Variants in SPIDR observed in about 807,000 individuals in gnomAD.
The protein encoded by SPIDR is scaffold protein involved in DNA repair, also known as DNA repair-scaffolding protein.
SPIDR carries 93 observed loss-of-function variants against 104.6 expected under a neutral mutation model. That is an observed-to-expected ratio of 0.89 (90% CI 0.75 to 1.06). The LOEUF is 1.06. Among genes scored for constraint, SPIDR ranks in the 50% least tolerant of loss-of-function variants. The probability of loss-of-function intolerance (pLI) is 0.00; values close to 1 mark genes in which losing one functional copy is unlikely to be tolerated. For synonymous variants in SPIDR, 431 were observed against 416.9 expected, an observed-to-expected ratio of 1.03 and a Z score of -0.41; for missense variants, 1,154 against 1,111.2, an observed-to-expected ratio of 1.04 and a Z score of -0.55.
intron 8 of SPIDR, among the ~76,000 whole-genome samples, chr8:47,465,034 G>C (rs2074551046): frequency 6.6e-6 from 1 of 152,098 alleles, no homozygotes; most frequent in Admixed American, 6.5e-5. Flanking sequence ...AAAGTGCTAG[G>C]ATTATGGGCA....
At chr8:47,589,027 T>G (rs1297768925) in intron 8 of SPIDR, among the ~76,000 whole-genome samples, 6 of 148,704 alleles carry the variant, frequency 4.0e-5, no homozygotes, top group South Asian at 2.1e-4. Flanking sequence ...AGTTTGTTTT[T>G]TTTTTTTTTT....
intron 10 of SPIDR, among the ~76,000 whole-genome samples, chr8:47,663,006 G>T (rs2074361023): frequency 6.6e-6 from 1 of 152,198 alleles, no homozygotes; most frequent in Non-Finnish European, 1.5e-5. Flanking sequence ...CCAGTCTGTG[G>T]TATTTTTGTT....
At chr8:47,597,203 G>T (rs974096816) in intron 9 of SPIDR, among the ~76,000 whole-genome samples, 1 of 152,124 alleles carries the variant, frequency 6.6e-6, no homozygotes, top group African/African-American at 2.4e-5. Context: ...AGACTTTTAT[G>T]CAACTGGCAA....
intron 5 of SPIDR, among the ~76,000 whole-genome samples, chr8:47,346,311 A>G (rs1698260902): frequency 6.6e-6 from 1 of 152,058 alleles, no homozygotes; most frequent in African/African-American, 2.4e-5. Flanking sequence ...CATCCCAGGG[A>G]TGAAGCCGAC....
At chr8:47,379,394 T>C (rs1363127205) in intron 5 of SPIDR, among the ~76,000 whole-genome samples, 1 of 151,950 alleles carries the variant, frequency 6.6e-6, no homozygotes, top group Non-Finnish European at 1.5e-5. Flanking sequence ...AATACAAAAA[T>C]TAGCCAGGTG....
At chr8:47,665,838 G>A (rs1349228969) in intron 10 of SPIDR, among the ~76,000 whole-genome samples, 1 of 152,174 alleles carries the variant, frequency 6.6e-6, no homozygotes, top group Non-Finnish European at 1.5e-5. Context: ...ATACATTTCA[G>A]AGAAAATATT....
chr8:47,735,506 G>C lies in SPIDR; in HGVS notation c.*56G>C. The C allele has an allele frequency of 6.2e-7, 1 of 1,612,956 alleles. No homozygotes were observed. ...TGTGGCTGCAAGGGTGGTGGTGGTG[G>C]TGGTGATTTGGGGTAGTTATTTGTT... On this transcript the variant is annotated 3_prime_UTR_variant, in exon 20 of 20. Coordinates refer to ENST00000297423, the MANE Select transcript of SPIDR (RefSeq NM_001080394.4).
chr8:47,449,068 G>A (rs2071220078), intron 8 of SPIDR, among the ~76,000 whole-genome samples: 1 of 152,166 alleles, frequency 6.6e-6, no homozygotes, highest in African/African-American at 2.4e-5. Context: ...GCATCTCGGA[G>A]GCTGTGGGAG....
chr8:47,433,328 C>G (rs2067687416), intron 7 of SPIDR, among the ~76,000 whole-genome samples: 2 of 152,332 alleles, frequency 1.3e-5, no homozygotes, highest in Admixed American at 1.3e-4. Context: ...CTGTTCTCAA[C>G]ACGGCTCATC....
In SPIDR at chr8:47,648,857, C is replaced by T. The variant is rs147899495; in HGVS notation, c.1545-24944C>T. Among the ~76,000 whole-genome samples, 378 of 151,938 alleles carry T rather than the reference C, an allele frequency of 2.5e-3. 2 individuals carry two copies. Among genetic ancestry groups the T allele is most frequent in the East Asian group, 8.1e-3 (42 of 5,170 alleles). ...AGATTATAAACCATTCAGTAAGACT[C>T]GATGAAAACAAATGAAAAATAATTT... On this transcript the variant is annotated intron_variant, in intron 10 of 19. Transcript: ENST00000297423.
At chr8:47,280,786 C>T (rs1268203931) in intron 2 of SPIDR, among the ~76,000 whole-genome samples, 2 of 152,214 alleles carry the variant, frequency 1.3e-5, no homozygotes, top group Non-Finnish European at 2.9e-5. Flanking sequence ...GATCCTCCCA[C>T]CTCCGCCTCC....
chr8:47,357,945 G>C, intron 5 of SPIDR: 1 of 754,916 alleles, frequency 1.3e-6, no homozygotes, highest in African/African-American at 1.9e-5. Flanking sequence ...ATGTAGTCAC[G>C]AATATATGTG....
At chr8:47,408,624 AT>A (rs1407878324) in intron 7 of SPIDR, among the ~76,000 whole-genome samples, 1 of 152,192 alleles carries the variant, frequency 6.6e-6, no homozygotes, top group African/African-American at 2.4e-5. Context: ...GATAAAAGAT[AT>A]CCAAGTTGGA....
At chr8:47,443,377 C>A (rs1049307428) in intron 8 of SPIDR, among the ~76,000 whole-genome samples, 1 of 152,034 alleles carries the variant, frequency 6.6e-6, no homozygotes, top group African/African-American at 2.4e-5. Flanking sequence ...CGAGACCAGC[C>A]TGGCCAACAT....
At chr8:47,328,290 G>T (rs1554601764) in intron 5 of SPIDR, among the ~76,000 whole-genome samples, 1 of 151,478 alleles carries the variant, frequency 6.6e-6, no homozygotes, top group African/African-American at 2.4e-5. Context: ...ATAAAGTCTT[G>T]CTCTGTCACT....
intron 10 of SPIDR, among the ~76,000 whole-genome samples, chr8:47,632,774 A>C (rs2067270587): frequency 6.6e-6 from 1 of 152,182 alleles, no homozygotes; most frequent in Admixed American, 6.5e-5. Context: ...GAACTAATGA[A>C]TAAAGCACAC....
chr8:47,428,398 A>T (rs1310301598), intron 7 of SPIDR, among the ~76,000 whole-genome samples: 5 of 152,242 alleles, frequency 3.3e-5, no homozygotes, highest in African/African-American at 1.2e-4. Context: ...TACCAAAGCA[A>T]GTCAGTTGGT....
At position 47,445,004 on chromosome 8, in the gene SPIDR, G is replaced by A. The variant is rs117712065; in HGVS notation, c.1097+4462G>A. ...ACTGTTTTAGTATAGTAAAGGGTATGTGTTTCGTTTTTGCTGTTGCTGCTT... is the reference window on the plus strand; with the variant it reads ...ACTGTTTTAGTATAGTAAAGGGTATATGTTTCGTTTTTGCTGTTGCTGCTT... On this transcript the variant is annotated intron_variant, in intron 8 of 19. Coordinates refer to ENST00000297423, the MANE Select transcript of SPIDR (RefSeq NM_001080394.4). Among the ~76,000 whole-genome samples, 446 of 152,266 alleles carry A rather than the reference G, an allele frequency of 2.9e-3. 7 individuals carry two copies. The highest frequency in any genetic ancestry group is 0.025 in the Admixed American group (384 of 15,292).
chr8:47,416,559 G>A (rs559648136), intron 7 of SPIDR, among the ~76,000 whole-genome samples: 1 of 152,026 alleles, frequency 6.6e-6, no homozygotes, highest in Non-Finnish European at 1.5e-5. Context: ...CGATTGTCAG[G>A]TGTTATGGTA....
Sources: allele counts gnomAD v4.1 joint callset (sites outside exome capture counted in the v4.1 genomes callset), GRCh38; gene constraint gnomAD v4.1.1; transcripts MANE v1.5; gene names NCBI Gene and HGNC (gene_info 2026-07-23, HGNC 2026-07-21).